The following IFIH1 variants were observed in gnomAD, a reference collection of about 807,000 sequenced individuals.
The protein encoded by IFIH1 is interferon induced with helicase C domain 1.
IFIH1 carries 125 observed loss-of-function variants against 107.4 expected under a neutral mutation model. The observed-to-expected ratio is 1.16, with a 90% CI of 1.01 to 1.35. The LOEUF is 1.35. Among genes scored for constraint, IFIH1 ranks in the 40% most tolerant of loss-of-function variants. The probability of loss-of-function intolerance (pLI) is 0.00; values close to 1 mark genes in which losing one functional copy is unlikely to be tolerated. For missense variants in IFIH1, 1,333 were observed against 1,213.7 expected (o/e 1.10, Z -1.46); for synonymous variants, 458 against 413.2 (o/e 1.11, Z -1.31).
Position 162,282,415 on chromosome 2 carries a change from G to A in IFIH1, c.1257C>T (p.Asn419=). ...CTCCATTTTCCAAGTTTAAGAGGGA[G>A]TTTTCAAGGATTTGAGCTGTACTGA... ...IIISTAQILE[N]SLLNLENGED... Residue 419 remains asparagine, a synonymous_variant, in exon 6 of 16, where the codon AAC becomes AAT. Coordinates refer to ENST00000649979, the MANE Select transcript of IFIH1 (RefSeq NM_022168.4). 1 of 1,611,706 alleles carries A rather than the reference G, an allele frequency of 6.2e-7. No homozygotes were observed. Among genetic ancestry groups the A allele is most frequent in the South Asian group, 1.1e-5 (1 of 90,922 alleles).
chr2:162,281,159 C>T (rs1682799962), intron 7 of IFIH1, among the ~76,000 whole-genome samples, 169 bp downstream of exon 7: 1 of 152,082 alleles, frequency 6.6e-6, no homozygotes, highest in South Asian at 2.1e-4. Flanking sequence ...TTTATTAAGG[C>T]ATATTAGTAT....
intron 4 of IFIH1, among the ~76,000 whole-genome samples, chr2:162,290,341 T>A (rs778086277): frequency 1.3e-5 from 2 of 151,846 alleles, no homozygotes; most frequent in Admixed American, 6.6e-5. Context: ...GAGAAAGATA[T>A]AGCAATTTCC....
At chr2:162,268,031 T>A in intron 14 of IFIH1, 56 bp downstream of exon 14, 1 of 1,248,622 alleles carries the variant, frequency 8.0e-7, no homozygotes, top group East Asian at 2.4e-5. Flanking sequence ...ACATTTACAA[T>A]GCAACCTGCT....
At chr2:162,269,979 A>G (rs1691003485) in intron 13 of IFIH1, among the ~76,000 whole-genome samples, 1 of 152,216 alleles carries the variant, frequency 6.6e-6, no homozygotes, top group South Asian at 2.1e-4. Context: ...CAATGAGCTG[A>G]TAAGGTAATT....
chr2:162,302,894 A>T (rs151207259), intron 3 of IFIH1, among the ~76,000 whole-genome samples: 279 of 152,328 alleles, frequency 1.8e-3, no homozygotes, highest in African/African-American at 6.3e-3. Flanking sequence ...TCCAGATATC[A>T]TAAAGAACCT....
chr2:162,282,681 A>G (rs1322990449), intron 5 of IFIH1, 105 bp from the exon 6 acceptor site: 7 of 665,422 alleles, frequency 1.1e-5, no homozygotes, highest in Admixed American at 8.1e-5. Flanking sequence ...AGGTGTTTAC[A>G]TTATCAGTGA....
chr2:162,277,346 A>T, intron 10 of IFIH1, 69 bp downstream of exon 10: 1 of 1,100,856 alleles, frequency 9.1e-7, no homozygotes, highest in Admixed American at 2.2e-5. Flanking sequence ...TGGAGAGCTT[A>T]TGAGAAGCAG....
intron 2 of IFIH1, 113 bp from the exon 3 acceptor site, chr2:162,306,968 C>T: frequency 1.2e-6 from 1 of 811,158 alleles, no homozygotes; most frequent in South Asian, 1.8e-5. Context: ...ATAGAGATTG[C>T]CTGAATATAT....
chr2:162,293,641 C>T lies in IFIH1; in HGVS notation c.797G>A (p.Ser266Asn). Residue 266 changes from serine to asparagine, a missense_variant, in exon 4 of 16, where the codon AGT becomes AAT. Transcript: ENST00000649979. ...AAGACTTTCATCTAAGCAGCTGACA[C>T]TTCCTTCTGCCAAACTTGTGTCTGA... ...SESDTSLAEGSVSCLDESLGH... is the reference protein window; with the variant it reads ...SESDTSLAEGNVSCLDESLGH... 1.9e-6 allele frequency: 3 copies of T among 1,610,836 alleles called. No homozygotes were observed. Among genetic ancestry groups the T allele is most frequent in the Non-Finnish European group, 2.5e-6 (3 of 1,177,698 alleles).
chr2:162,306,958 A>C (rs1360607424), intron 2 of IFIH1, 103 bp from the exon 3 acceptor site: 2 of 945,222 alleles, frequency 2.1e-6, no homozygotes, highest in African/African-American at 3.3e-5. Flanking sequence ...GAGGTTCCTA[A>C]TAGAGATTGC....
At chr2:162,314,006 T>A (rs996802716) in intron 1 of IFIH1, among the ~76,000 whole-genome samples, 1 of 152,196 alleles carries the variant, frequency 6.6e-6, no homozygotes. Flanking sequence ...GGACTACAGA[T>A]GCATTGTGTT....
chr2:162,303,505 G>A (rs1267922061), intron 3 of IFIH1, among the ~76,000 whole-genome samples: 1 of 152,088 alleles, frequency 6.6e-6, no homozygotes, highest in African/African-American at 2.4e-5. Flanking sequence ...TTTCTGTTAT[G>A]TTCCTGAGTT....
rs138740030 is a variant in IFIH1 at position 162,281,445 on chromosome 2, A to G, written c.1407T>C (p.Asn469=). ...CTGGTTTGTTTTCTTTCTTGAGTCT[A>G]TTGTTTTTCAACTTCTGCATCAAAT... ...RHYLMQKLKN[N]RLKKENKPVI... is the part of the protein sequence containing the mutation. The change falls in exon 7 of 16, where the codon AAT becomes AAC. Residue 469 remains asparagine, a synonymous_variant. Coordinates refer to ENST00000649979, the MANE Select transcript of IFIH1 (RefSeq NM_022168.4). 1.9e-4 allele frequency: 313 copies of G among 1,612,268 alleles called. No individual in the cohort carries two copies. Among genetic ancestry groups the G allele is most frequent in the Non-Finnish European group, 2.4e-4 (283 of 1,178,926 alleles).
intron 2 of IFIH1, chr2:162,310,540 A>G (rs935717600): frequency 1.1e-5 from 6 of 539,466 alleles, no homozygotes; most frequent in Non-Finnish European, 2.0e-5. Context: ...GGTAGTAGAA[A>G]GAGTGTTGGT....
chr2:162,276,255 A>G (rs1244495811), intron 11 of IFIH1, among the ~76,000 whole-genome samples: 1 of 152,160 alleles, frequency 6.6e-6, no homozygotes, highest in Non-Finnish European at 1.5e-5. Context: ...GGGTGGTGAG[A>G]GGATTGGTAG....
rs116216404 is a variant in IFIH1, at chr2:162,302,764, G to A, written c.769+3945C>T. Among the ~76,000 whole-genome samples the A allele has an allele frequency of 4.5e-3, 684 of 152,334 alleles. 2 individuals are homozygous for A. The highest frequency in any genetic ancestry group is 0.016 in the African/African-American group (652 of 41,576). Reference sequence around the variant, plus strand: ...ACAGATACCTGGAATGACAGCAGCAGTCTAAAGCAAAGGTCTGAAGCAAAC... The same window carrying A: ...ACAGATACCTGGAATGACAGCAGCAATCTAAAGCAAAGGTCTGAAGCAAAC... On this transcript the variant is annotated intron_variant, in intron 3 of 15. Coordinates refer to ENST00000649979, the MANE Select transcript of IFIH1 (RefSeq NM_022168.4).
chr2:162,267,999 T>A, intron 14 of IFIH1, 88 bp downstream of exon 14: 1 of 817,530 alleles, frequency 1.2e-6, no homozygotes, highest in Non-Finnish European at 1.9e-6. Context: ...TAAATGAATC[T>A]CATTTGCACT....
intron 3 of IFIH1, among the ~76,000 whole-genome samples, chr2:162,302,056 G>C (rs1205943976): frequency 1.3e-5 from 2 of 152,240 alleles, no homozygotes; most frequent in East Asian, 3.9e-4. Flanking sequence ...CGCAAGTTTG[G>C]AGATATGATG....
intron 3 of IFIH1, among the ~76,000 whole-genome samples, chr2:162,301,260 C>T (rs1683188814): frequency 6.6e-6 from 1 of 152,162 alleles, no homozygotes. Flanking sequence ...AAAATATACA[C>T]ATGCAATCAC....
Sources: allele counts gnomAD v4.1 joint callset (sites outside exome capture counted in the v4.1 genomes callset), GRCh38; gene constraint gnomAD v4.1.1; transcripts MANE v1.5; gene names NCBI Gene and HGNC (gene_info 2026-07-23, HGNC 2026-07-21).